The following MAMDC2 variants were observed in gnomAD, a reference collection of about 807,000 sequenced individuals.
The protein encoded by MAMDC2 is MAM domain containing 2, also known as MAM domain-containing protein 2.
A neutral mutation model predicts 89.8 loss-of-function variants in MAMDC2; 57 were observed. The ratio of observed to expected loss-of-function variants is 0.63; its 90% CI spans 0.51 to 0.79. MAMDC2 has a LOEUF of 0.79. Ranked by LOEUF, MAMDC2 falls within the 30% of genes least tolerant of loss-of-function variation. The probability of loss-of-function intolerance (pLI) is 0.00; values close to 1 mark genes in which losing one functional copy is unlikely to be tolerated. For synonymous variants in MAMDC2, 313 were observed against 293.4 expected (o/e 1.07, Z -0.68); for missense variants, 800 against 820.6 (o/e 0.97, Z 0.31).
chr9:70,108,275 T>C lies in MAMDC2; in HGVS notation c.213T>C (p.Pro71=), dbSNP rs1385059692. 6.2e-7 allele frequency: 1 copy of C among 1,613,928 alleles called. No homozygotes were observed. The change falls in exon 3 of 14, where the codon CCT becomes CCC. Residue 71 remains proline (P), a synonymous_variant. Transcript: ENST00000377182. ...KQGEKAVLLS[P]DLQAEEWSCL... The stretch of plus-strand genomic sequence containing the variant: ...GGGAGAAAGCTGTGCTGCTAAGTCC[T>C]GACTTACAGGCTGAGGAATGGAGCT...
intron 6 of MAMDC2, among the ~76,000 whole-genome samples, chr9:70,126,825 T>C (rs776524355): frequency 6.6e-6 from 1 of 150,852 alleles, no homozygotes; most frequent in Non-Finnish European, 1.5e-5. Flanking sequence ...TTGAGTGAAC[T>C]GTTTTTTTTT....
intron 11 of MAMDC2, among the ~76,000 whole-genome samples, chr9:70,212,612 C>T (rs540627520): frequency 6.6e-6 from 1 of 152,202 alleles, no homozygotes; most frequent in African/African-American, 2.4e-5. Flanking sequence ...TCAGCTCACA[C>T]TCCGTGGGCT....
chr9:70,110,145 A>G (rs1828469650), intron 4 of MAMDC2, among the ~76,000 whole-genome samples: 1 of 152,214 alleles, frequency 6.6e-6, no homozygotes, highest in South Asian at 2.1e-4. Context: ...TGTGCCAGAA[A>G]AGCAGACATT....
At chr9:70,046,846 A>G (rs925102618) in intron 2 of MAMDC2, among the ~76,000 whole-genome samples, 1 of 152,216 alleles carries the variant, frequency 6.6e-6, no homozygotes, top group African/African-American at 2.4e-5. Context: ...TGGAGCAGGC[A>G]GGTTAGGCTC....
chr9:70,122,125 C>T (rs1026828365), intron 5 of MAMDC2, among the ~76,000 whole-genome samples: 1 of 152,168 alleles, frequency 6.6e-6, no homozygotes. Context: ...AAATAGAACC[C>T]AGCTTTGGCA....
chr9:70,202,553 T>A (rs2033124109), intron 11 of MAMDC2, among the ~76,000 whole-genome samples: 2 of 150,402 alleles, frequency 1.3e-5, no homozygotes. Context: ...TGGAGAGTTC[T>A]GTAGATGTCT....
chr9:70,177,522 G>A (rs2032534949), intron 11 of MAMDC2, among the ~76,000 whole-genome samples: 1 of 152,156 alleles, frequency 6.6e-6, no homozygotes, highest in African/African-American at 2.4e-5. Context: ...GGCAAAAACA[G>A]ATAAAGGGGG....
intron 11 of MAMDC2, among the ~76,000 whole-genome samples, chr9:70,200,560 TTAAAG>T (rs1442678312): frequency 2.0e-5 from 3 of 151,358 alleles, no homozygotes; most frequent in Non-Finnish European, 2.9e-5. Context: ...CATACGAACT[TTAAAG>T]TAGTTTTTTC....
At chr9:70,110,284 G>T (rs1241924436) in intron 4 of MAMDC2, among the ~76,000 whole-genome samples, 1 of 152,170 alleles carries the variant, frequency 6.6e-6, no homozygotes, top group East Asian at 1.9e-4. Flanking sequence ...TTCCAAGAGG[G>T]CATAAAGAAA....
chr9:70,088,944 C>T (rs1158441848), intron 2 of MAMDC2: 1 of 151,998 alleles, frequency 6.6e-6, no homozygotes, highest in Non-Finnish European at 1.5e-5. Context: ...TGAGAATGTA[C>T]ACTACACCAG....
At chr9:70,198,191 CACACACAAT>C (rs2033015000) in intron 11 of MAMDC2, among the ~76,000 whole-genome samples, 1 of 147,474 alleles carries the variant, frequency 6.8e-6, no homozygotes, top group Non-Finnish European at 1.5e-5. Context: ...TACACACACA[CACACACAAT>C]ATATAATATA....
intron 2 of MAMDC2, among the ~76,000 whole-genome samples, chr9:70,099,931 C>T (rs904346905): frequency 4.7e-5 from 7 of 150,438 alleles, no homozygotes; most frequent in African/African-American, 9.8e-5. Flanking sequence ...GCTGAGGTTA[C>T]GCCACTGCAC....
chr9:70,153,337 A>C (rs1286124931), intron 9 of MAMDC2: 2 of 152,204 alleles, frequency 1.3e-5, no homozygotes, highest in African/African-American at 4.8e-5. Context: ...CCTAAAGGCC[A>C]AATATTAGGA....
intron 11 of MAMDC2, among the ~76,000 whole-genome samples, chr9:70,179,280 A>T: frequency 6.6e-6 from 1 of 152,086 alleles, no homozygotes; most frequent in Non-Finnish European, 1.5e-5. Flanking sequence ...TGGGAGGCTG[A>T]GGCAGGCGGA....
At chr9:70,215,643 G>C (rs1337221480) in intron 11 of MAMDC2, among the ~76,000 whole-genome samples, 1 of 152,254 alleles carries the variant, frequency 6.6e-6, no homozygotes, top group Non-Finnish European at 1.5e-5. Context: ...TCCCCAGCTA[G>C]TGGAGCCTAT....
At chr9:70,045,844 G>A (rs1050970722) in intron 2 of MAMDC2, among the ~76,000 whole-genome samples, 1 of 152,182 alleles carries the variant, frequency 6.6e-6, no homozygotes, top group African/African-American at 2.4e-5. Flanking sequence ...GTCTAGTTAG[G>A]AAGAAACAGG....
intron 2 of MAMDC2, among the ~76,000 whole-genome samples, chr9:70,065,720 T>C (rs1656846339): frequency 1.3e-5 from 2 of 152,156 alleles, no homozygotes; most frequent in African/African-American, 2.4e-5. Flanking sequence ...GTTGAGACAT[T>C]GAGTGGAGTA....
At chr9:70,217,633 A>C in intron 11 of MAMDC2, 5 of 1,610,734 alleles carry the variant, frequency 3.1e-6, no homozygotes, top group Non-Finnish European at 4.2e-6. Flanking sequence ...GAAGCCTGTG[A>C]AAGTTTCAGC....
chr9:70,117,887 A>G (rs1157442851), intron 5 of MAMDC2, among the ~76,000 whole-genome samples: 1 of 152,232 alleles, frequency 6.6e-6, no homozygotes, highest in Non-Finnish European at 1.5e-5. Context: ...CCAAAATGCT[A>G]CATAAACTTG....
Sources: gnomAD v4.1 joint callset for allele counts (sites outside exome capture counted in the v4.1 genomes callset) on GRCh38, gnomAD v4.1.1 for gene constraint, MANE v1.5 for transcripts, NCBI Gene and HGNC (gene_info 2026-07-23, HGNC 2026-07-21) for gene names.